The following DMD variants were observed in gnomAD, a reference collection of about 807,000 sequenced individuals.
DMD encodes the protein mutant dystrophin.
Under a neutral mutation model 330.1 loss-of-function variants are expected in DMD, and 63 were observed. That is an observed-to-expected ratio of 0.19 (90% CI 0.16 to 0.24). The LOEUF (loss-of-function observed/expected upper bound fraction) is 0.24. Ranked by LOEUF, DMD falls within the 10% of genes least tolerant of loss-of-function variation. The pLI, the probability that DMD is intolerant of heterozygous loss-of-function variation, is 1.00. For missense variants in DMD, 3,344 were observed against 2,684.1 expected (o/e 1.25, Z -5.43); for synonymous variants, 1,223 against 959.8 (o/e 1.27, Z -5.07).
intron 60 of DMD, among the ~76,000 whole-genome samples, chrX:31,439,730 A>G (rs1400809991): frequency 8.9e-6 from 1 of 112,034 alleles, no homozygotes; most frequent in African/African-American, 3.2e-5. Context: ...TTTATATACT[A>G]CTTGCGCTTG....
At chrX:32,256,569 T>C (rs1447543299) in intron 43 of DMD, among the ~76,000 whole-genome samples, 1 of 110,777 alleles carries the variant, frequency 9.0e-6, no homozygotes, top group African/African-American at 3.3e-5. Flanking sequence ...GTTGGTTAGT[T>C]ATTTTGCCTG....
At chrX:32,248,867 A>T (rs988932595) in intron 43 of DMD, among the ~76,000 whole-genome samples, 13 of 111,362 alleles carry the variant, frequency 1.2e-4, no homozygotes, top group African/African-American at 4.2e-4. Context: ...TTGCTCTTAA[A>T]TATGCTGATA....
At chrX:32,976,411 T>A (rs998553814) in intron 2 of DMD, among the ~76,000 whole-genome samples, 17 of 111,222 alleles carry the variant, frequency 1.5e-4, no homozygotes, top group Non-Finnish European at 2.8e-4. Flanking sequence ...CATGTCCTAT[T>A]CAGCTTTTGA....
chrX:31,227,429 C>A (rs1032748804), intron 63 of DMD, among the ~76,000 whole-genome samples: 1 of 111,558 alleles, frequency 9.0e-6, no homozygotes, highest in East Asian at 2.8e-4. Flanking sequence ...CAGCCTACCC[C>A]CAACCCACTG....
intron 48 of DMD, among the ~76,000 whole-genome samples, chrX:31,848,735 C>A (rs1313356148): frequency 9.1e-6 from 1 of 110,484 alleles, no homozygotes; most frequent in African/African-American, 3.3e-5. Context: ...ATTTCATGGT[C>A]TCTTCTGAAA....
chrX:32,126,752 C>T (rs2096663734), intron 44 of DMD, among the ~76,000 whole-genome samples: 1 of 111,658 alleles, frequency 9.0e-6, no homozygotes, highest in Admixed American at 9.5e-5. Context: ...TTCATGAGCA[C>T]AAAGATAAGT....
intron 60 of DMD, among the ~76,000 whole-genome samples, chrX:31,373,337 A>G (rs1298504141): frequency 1.0e-5 from 1 of 100,335 alleles, no homozygotes; most frequent in Non-Finnish European, 2.1e-5. Flanking sequence ...TTCATATGGA[A>G]CCAAAAAAGA....
At chrX:32,998,445 T>C (rs1353528928) in intron 2 of DMD, among the ~76,000 whole-genome samples, 1 of 109,964 alleles carries the variant, frequency 9.1e-6, no homozygotes, top group Non-Finnish European at 1.9e-5. Flanking sequence ...TGTGTTTCTT[T>C]TATTTAAATG....
At chrX:32,584,600 AG>A (rs2054017427) in intron 13 of DMD, among the ~76,000 whole-genome samples, 1 of 112,461 alleles carries the variant, frequency 8.9e-6, no homozygotes, top group South Asian at 3.6e-4. Flanking sequence ...AAATTAATAA[AG>A]TAATGCTATA....
intron 44 of DMD, among the ~76,000 whole-genome samples, chrX:32,189,665 G>A (rs187287109): frequency 8.3e-5 from 9 of 107,970 alleles, no homozygotes; most frequent in Middle Eastern, 4.8e-3. Context: ...TATTATTTCC[G>A]CAAAGTTATT....
chrX:32,905,055 T>A (rs1468342124), intron 2 of DMD, among the ~76,000 whole-genome samples: 2 of 112,243 alleles, frequency 1.8e-5, no homozygotes, highest in Non-Finnish European at 1.9e-5. Flanking sequence ...CATATGACCT[T>A]CCACAAAGAA....
Position 31,181,521 on chromosome X carries a change from T to C in DMD, c.9975-1040A>G, listed in dbSNP as rs186950661. ...TAGCTTAGAAATCTAATGCAGTCAC[T>C]GTGGCTTCCCTTCCCCACTCCCCAC... On this transcript the variant is annotated intron_variant, in intron 68 of 78. Coordinates refer to ENST00000357033, the MANE Select transcript of DMD (RefSeq NM_004006.3). 3.6e-3 allele frequency among the ~76,000 whole-genome samples: 397 copies of C among 111,148 alleles called. 1 individual carries two copies. Among genetic ancestry groups the C allele is most frequent in the African/African-American group, 0.012 (358 of 30,314 alleles).
At chrX:33,026,778 G>T (rs1292870864) in intron 1 of DMD, among the ~76,000 whole-genome samples, 1 of 111,758 alleles carries the variant, frequency 8.9e-6, no homozygotes, top group Admixed American at 9.5e-5. Flanking sequence ...TTTCCCATTC[G>T]CTTTACAGTC....
chrX:32,535,768 C>T (rs753217881), intron 17 of DMD, among the ~76,000 whole-genome samples: 10 of 111,316 alleles, frequency 9.0e-5, no homozygotes, highest in Non-Finnish European at 1.7e-4. Context: ...TGACAAGACT[C>T]GCACAAAACC....
chrX:32,347,122 T>C (rs2097766563), intron 38 of DMD, among the ~76,000 whole-genome samples: 1 of 111,806 alleles, frequency 8.9e-6, no homozygotes, highest in Admixed American at 9.6e-5. Context: ...AAAGGGATTA[T>C]TTTTGTCAGA....
chrX:32,213,745 C>G (rs746260385), intron 44 of DMD, among the ~76,000 whole-genome samples: 17 of 108,775 alleles, frequency 1.6e-4, no homozygotes, highest in African/African-American at 4.3e-4. Context: ...GAGGCTGAGA[C>G]AGGCAGACCA....
chrX:33,221,533 C>T (rs1414360740), intron 1 of DMD, among the ~76,000 whole-genome samples: 1 of 110,904 alleles, frequency 9.0e-6, no homozygotes, highest in Non-Finnish European at 1.9e-5. Context: ...AGAGTAAAAA[C>T]TAATCAAAAT....
intron 34 of DMD, among the ~76,000 whole-genome samples, chrX:32,369,334 G>A (rs924713332): frequency 9.9e-5 from 11 of 111,071 alleles, no homozygotes; most frequent in African/African-American, 3.3e-4. Flanking sequence ...CCATGTTGAT[G>A]GGAAGGATGA....
chrX:32,606,303 T>G (rs2149315030), intron 12 of DMD, among the ~76,000 whole-genome samples: 1 of 110,226 alleles, frequency 9.1e-6, no homozygotes, highest in South Asian at 3.8e-4. Flanking sequence ...TGTGCCTGGC[T>G]TATTTCACTT....
Sources: allele counts gnomAD v4.1 joint callset (sites outside exome capture counted in the v4.1 genomes callset), GRCh38; gene constraint gnomAD v4.1.1; transcripts MANE v1.5; gene names NCBI Gene and HGNC (gene_info 2026-07-23, HGNC 2026-07-21).